CFAP57: variants seen among roughly 807,000 people sequenced by gnomAD.
The protein encoded by CFAP57 is cilia- and flagella-associated protein 57.
CFAP57 carries 116 observed loss-of-function variants against 146.8 expected under a neutral mutation model. The ratio of observed to expected loss-of-function variants is 0.79; its 90% CI spans 0.68 to 0.92. The LOEUF (loss-of-function observed/expected upper bound fraction) is 0.92. CFAP57 is among the 40% of genes least tolerant of loss of function. The probability of loss-of-function intolerance (pLI) is 0.00; values close to 1 mark genes in which losing one functional copy is unlikely to be tolerated. For missense variants in CFAP57, 1,377 were observed against 1,527.2 expected (o/e 0.90, Z 1.64); for synonymous variants, 518 against 552.8 (o/e 0.94, Z 0.88).
At chr1:43,200,255 G>A (rs1238716613) in intron 9 of CFAP57, among the ~76,000 whole-genome samples, 2 of 152,150 alleles carry the variant, frequency 1.3e-5, no homozygotes, top group Admixed American at 1.3e-4. Context: ...GGAAGCTGAT[G>A]TAGGAGGATC....
rs199746527 is a variant in CFAP57 at position 43,197,601 on chromosome 1, C to G, written c.1171C>G (p.Pro391Ala). 6.2e-7 allele frequency: 1 copy of G among 1,614,112 alleles called. No individual in the cohort carries two copies. Among genetic ancestry groups the G allele is most frequent in the Non-Finnish European group, 8.5e-7 (1 of 1,180,026 alleles). Residue 391 changes from proline to alanine, a missense_variant, in exon 7 of 23, where the codon CCC becomes GCC. Pro to Ala is a conservative substitution (Grantham distance 27). Transcript: ENST00000372492. Reference sequence around the variant, plus strand: ...TTTGATGTATCCATTGCACTCAGCACCCATCACCGGTCTAGCTACCTGCAT... The same window carrying G: ...TTTGATGTATCCATTGCACTCAGCAGCCATCACCGGTCTAGCTACCTGCAT... ...EYLMYPLHSA[P>A]ITGLATCIRK...
At chr1:43,226,863 A>C in intron 17 of CFAP57, 120 bp from the exon 18 acceptor site, 1 of 1,111,238 alleles carries the variant, frequency 9.0e-7, no homozygotes, top group East Asian at 2.8e-5. Flanking sequence ...GGAGGAGAGG[A>C]GTCTCCTGGT....
chr1:43,172,980 G>A (rs1645035484), intron 2 of CFAP57, 70 bp downstream of exon 2: 1 of 1,435,926 alleles, frequency 7.0e-7, no homozygotes, highest in Non-Finnish European at 9.8e-7. Flanking sequence ...ATCCCAGCAT[G>A]ATGATTGGAA....
rs1216701248 is a variant in CFAP57 at position 43,254,076 on chromosome 1, G to A, written c.3638G>A (p.Arg1213His). The change falls in exon 23 of 23, where the codon CGC (arginine) becomes CAC (histidine). Residue 1213 changes from arginine to histidine, a missense_variant. Physicochemically the swap from Arg to His is conservative, Grantham distance 29 (BLOSUM62 0). Coordinates refer to ENST00000372492, the MANE Select transcript of CFAP57 (RefSeq NM_001378189.1). ...GAAATGCAGCGCCTAGAAATCCAGC[G>A]CCTCAGAGACCAGATCCAAGAGCAA... The part of the protein sequence containing the change: ...IIEMQRLEIQ[R>H]LRDQIQEQEQ... 2.1e-5 allele frequency: 33 copies of A among 1,550,602 alleles called. No individual in the cohort carries two copies. Among genetic ancestry groups the A allele is most frequent in the South Asian group, 3.6e-5 (3 of 84,052 alleles).
intron 9 of CFAP57, 80 bp from the exon 10 acceptor site, chr1:43,206,640 C>G: frequency 1.4e-6 from 2 of 1,452,150 alleles, no homozygotes; most frequent in Non-Finnish European, 1.9e-6. Flanking sequence ...AGTGGAGCAC[C>G]TAAGGAGTTT....
At chr1:43,209,707 G>T (rs746062355) in intron 10 of CFAP57, 36 bp from the exon 11 acceptor site, 2 of 1,597,564 alleles carry the variant, frequency 1.3e-6, no homozygotes, top group African/African-American at 1.3e-5. Flanking sequence ...GCCACAGCTC[G>T]ACCCCTCACA....
intron 3 of CFAP57, among the ~76,000 whole-genome samples, chr1:43,182,961 A>G (rs1032698024): frequency 6.6e-6 from 1 of 152,238 alleles, no homozygotes; most frequent in Admixed American, 6.5e-5. Flanking sequence ...GAAAGAGACC[A>G]AGTAATACGC....
rs1553183428 is a variant in CFAP57, at chr1:43,224,177, G to A, written c.2838G>A (p.Gln946=). The A allele has an allele frequency of 6.5e-7, 1 of 1,548,162 alleles. No individual in the cohort carries two copies. The highest frequency in any genetic ancestry group is 2.0e-5 in the Admixed American group (1 of 50,588). The change falls in exon 17 of 23, where the codon CAG becomes CAA. Residue 946 remains glutamine, a synonymous_variant. Transcript: ENST00000372492. ...KDIQGLKREI[Q]ERDETIQDKE... The stretch of plus-strand genomic sequence containing the variant: ...TCCAAGGCCTCAAGCGAGAGATCCA[G>A]GAAAGAGACGAGACTATTCAAGACA...
intron 22 of CFAP57, 78 bp downstream of exon 22, chr1:43,243,437 G>T (rs996493193): frequency 7.1e-7 from 1 of 1,404,994 alleles, no homozygotes. Flanking sequence ...TCTCCCTTTG[G>T]CTTCCTTCTG....
At chr1:43,184,875 T>C in intron 4 of CFAP57, 1 of 399,464 alleles carries the variant, frequency 2.5e-6, no homozygotes, top group East Asian at 5.7e-5. Context: ...AAGCCCAGAC[T>C]TCTTGGTTTG....
intron 8 of CFAP57, among the ~76,000 whole-genome samples, chr1:43,198,974 T>G (rs1643989306): frequency 6.6e-6 from 1 of 152,172 alleles, no homozygotes; most frequent in Admixed American, 6.5e-5. Context: ...GAGTCACAGC[T>G]AAGAAGGTGA....
At position 43,215,445 on chromosome 1, in the gene CFAP57, A is replaced by G. The variant is rs1441148349; in HGVS notation, c.2091+29A>G. On this transcript the variant is annotated intron_variant, in intron 12 of 22. Coordinates refer to ENST00000372492, the MANE Select transcript of CFAP57 (RefSeq NM_001378189.1). ...AGAACTGGATCTAATGAAGAGGGAT[A>G]TGGAATTACTTACCAGACTGCATTC... 2.6e-6 allele frequency: 4 copies of G among 1,544,054 alleles called. No individual in the cohort carries two copies. The Admixed American group carries it at 5.9e-5, about 23-fold the overall frequency.
At chr1:43,224,493 A>G (rs1180559537) in intron 17 of CFAP57, among the ~76,000 whole-genome samples, 1 of 152,196 alleles carries the variant, frequency 6.6e-6, no homozygotes, top group Non-Finnish European at 1.5e-5. Context: ...ACACACTTCA[A>G]TAGGTGACAG....
chr1:43,179,783 TG>T (rs1336372196), intron 2 of CFAP57, among the ~76,000 whole-genome samples: 1 of 152,190 alleles, frequency 6.6e-6, no homozygotes, highest in Non-Finnish European at 1.5e-5. Flanking sequence ...ACAATATATC[TG>T]AGATTGAGTT....
chr1:43,253,507 T>C (rs1171287650), intron 22 of CFAP57, among the ~76,000 whole-genome samples: 1 of 151,992 alleles, frequency 6.6e-6, no homozygotes, highest in Non-Finnish European at 1.5e-5. Context: ...ACAGGGAGGA[T>C]GACTCAGGGG....
rs1569749828 is a variant in CFAP57 at position 43,172,655 on chromosome 1, G to A, written c.-19-80G>A. Reference sequence around the variant, plus strand: ...AGACAAGGGGAGGAGCAAAGGGCGGGGAGGGCGAGTCCGGGCCGGGGGCGG... The same window carrying A: ...AGACAAGGGGAGGAGCAAAGGGCGGAGAGGGCGAGTCCGGGCCGGGGGCGG... On this transcript the variant is annotated intron_variant, in intron 1 of 22. Coordinates refer to ENST00000372492, the MANE Select transcript of CFAP57 (RefSeq NM_001378189.1). 2.1e-6 allele frequency: 3 copies of A among 1,404,206 alleles called. No individual in the cohort carries two copies. The East Asian group carries it at 6.9e-5, about 32-fold the overall frequency. 87.0% of individuals were successfully genotyped at this position (1,404,206 alleles called of 1,614,324 possible). A position where few individuals can be genotyped will look rare whatever the true frequency, so the allele number is the denominator to read the frequency against.
intron 1 of CFAP57, 119 bp downstream of exon 1, chr1:43,172,572 G>GAA (rs1007398188): frequency 4.2e-6 from 2 of 477,834 alleles, no homozygotes; most frequent in African/African-American, 5.5e-5. Flanking sequence ...CGGGGGAGGG[G>GAA]AAAGGGGAGG....
chr1:43,202,581 G>A lies in CFAP57; in HGVS notation c.1542+3078G>A, dbSNP rs189424534. Among the ~76,000 whole-genome samples the A allele has an allele frequency of 1.8e-3, 277 of 152,050 alleles. 3 individuals are homozygous for A. The highest frequency in any genetic ancestry group is 0.017 in the Admixed American group (259 of 15,272). On this transcript the variant is annotated intron_variant, in intron 9 of 22. Coordinates refer to ENST00000372492, the MANE Select transcript of CFAP57 (RefSeq NM_001378189.1). The stretch of plus-strand genomic sequence containing the variant: ...GCGGATCCCTTGAGATCGGGAGTTC[G>A]AGACCAGCCTGGCCAACATGGTGAA...
At chr1:43,210,803 T>C (rs1267140583) in intron 11 of CFAP57, 1 of 152,114 alleles carries the variant, frequency 6.6e-6, no homozygotes, top group Non-Finnish European at 1.5e-5. Context: ...CACTTGAAAA[T>C]GGTTAAGATA....
Sources: allele counts gnomAD v4.1 joint callset (sites outside exome capture counted in the v4.1 genomes callset), GRCh38; gene constraint gnomAD v4.1.1; transcripts MANE v1.5; gene names NCBI Gene and HGNC (gene_info 2026-07-23, HGNC 2026-07-21).